Variants in ABCA13 observed in about 807,000 individuals in gnomAD.
ABCA13 encodes the protein ATP-binding cassette sub-family A member 13.
ABCA13 carries 476 observed loss-of-function variants against 478.7 expected under a neutral mutation model. That is an observed-to-expected ratio of 0.99 (90% CI 0.92 to 1.07). ABCA13 has a LOEUF of 1.07. Among genes scored for constraint, ABCA13 ranks in the 50% least tolerant of loss-of-function variants. ABCA13 has a pLI of 0.00. For synonymous variants in ABCA13, 2,252 were observed against 2,158.9 expected (o/e 1.04, Z -1.20); for missense variants, 6,060 against 5,910.6 (o/e 1.03, Z -0.83).
At chr7:48,229,099 C>G (rs1411715364) in intron 6 of ABCA13, among the ~76,000 whole-genome samples, 6 of 152,106 alleles carry the variant, frequency 3.9e-5, no homozygotes, top group African/African-American at 1.4e-4. Flanking sequence ...TGAAAATCTA[C>G]AAGGAAATAA....
intron 59 of ABCA13, among the ~76,000 whole-genome samples, chr7:48,615,653 G>A (rs976675514): frequency 3.9e-5 from 6 of 152,154 alleles, no homozygotes; most frequent in Non-Finnish European, 7.4e-5. Context: ...ATTGGTAGGG[G>A]TGAGAATAAG....
At chr7:48,569,404 A>G (rs74558688) in intron 55 of ABCA13, among the ~76,000 whole-genome samples, 1,767 of 152,284 alleles carry the variant, frequency 0.012, 17 homozygotes, top group Non-Finnish European at 0.017. Flanking sequence ...TTTAATTTCT[A>G]CACATTTGGA....
Position 48,240,846 on chromosome 7 carries a change from T to A in ABCA13, c.1063-21T>A, listed in dbSNP as rs768683063. 26 of 1,486,476 alleles carry A rather than the reference T, an allele frequency of 1.7e-5. No individual in the cohort carries two copies. In the African/African-American group the frequency reaches 3.5e-4, roughly 20 times the overall value. The allele number at this position is 1,486,476 out of a possible 1,614,324, so 92.1% of individuals were successfully genotyped here. A position where few individuals can be genotyped will look rare whatever the true frequency, so the allele number is the denominator to read the frequency against. On this transcript the variant is annotated intron_variant, in intron 9 of 61. Transcript: ENST00000435803. ...CAATTTGCTATTATTAATGCTAGTATTTTGGTTTCCGAATTTGTAGGTGTT... is the reference window on the plus strand; with the variant it reads ...CAATTTGCTATTATTAATGCTAGTAATTTGGTTTCCGAATTTGTAGGTGTT...
intron 2 of ABCA13, among the ~76,000 whole-genome samples, chr7:48,195,006 T>C (rs2128904178): frequency 6.6e-6 from 1 of 152,202 alleles, no homozygotes; most frequent in East Asian, 1.9e-4. Flanking sequence ...GATGGGATTT[T>C]ATACAGGGAG....
chr7:48,330,026 TATTTATCC>T (rs1319576536), intron 27 of ABCA13, among the ~76,000 whole-genome samples: 2 of 124,830 alleles, frequency 1.6e-5, no homozygotes, highest in Non-Finnish European at 3.4e-5. Flanking sequence ...TCCATTGATC[TATTTATCC>T]ATCCATCCAT....
intron 55 of ABCA13, among the ~76,000 whole-genome samples, chr7:48,560,040 A>G (rs68168969): frequency 0.14 from 21,094 of 152,144 alleles, 1,835 homozygotes; most frequent in African/African-American, 0.23. Flanking sequence ...CCTAGGTCAC[A>G]TGCCACCCTA....
Position 48,278,435 on chromosome 7 carries a change from A to C in ABCA13, c.7241A>C (p.His2414Pro), listed in dbSNP as rs1433649729. The change falls in exon 18 of 62, where the codon CAC becomes CCC. Residue 2414 changes from histidine to proline, a missense_variant. By Grantham distance (77) the His-to-Pro change is moderately conservative (BLOSUM62 -2). This residue lies in a region of ABCA13 where 4,423 missense variants were observed against 4,309.1 expected (regional missense o/e 1.03). Coordinates refer to ENST00000435803, the MANE Select transcript of ABCA13 (RefSeq NM_152701.5). ...AATCAAGATCTTGGGTCAGCTCTTCACCTTGTAAGAGAATGTTCAACAGAG... is the reference window on the plus strand; with the variant it reads ...AATCAAGATCTTGGGTCAGCTCTTCCCCTTGTAAGAGAATGTTCAACAGAG... ...KLNQDLGSAL[H>P]LVRECSTEMA... is the part of the protein sequence containing the mutation. The C allele has an allele frequency of 6.2e-7, 1 of 1,613,952 alleles. No individual in the cohort carries two copies. The highest frequency in any genetic ancestry group is 8.5e-7 in the Non-Finnish European group (1 of 1,179,856).
intron 3 of ABCA13, among the ~76,000 whole-genome samples, chr7:48,199,979 A>C (rs1798443411): frequency 1.3e-5 from 2 of 152,222 alleles, no homozygotes; most frequent in South Asian, 4.1e-4. Flanking sequence ...AAATATAGAA[A>C]ACATCTAGCG....
At chr7:48,628,141 C>T (rs976226969) in intron 59 of ABCA13, among the ~76,000 whole-genome samples, 3 of 152,178 alleles carry the variant, frequency 2.0e-5, no homozygotes, top group South Asian at 2.1e-4. Context: ...TGACTAGTTC[C>T]TTCAGTTCTC....
chr7:48,566,009 T>C (rs1787020322), intron 55 of ABCA13, among the ~76,000 whole-genome samples: 1 of 152,122 alleles, frequency 6.6e-6, no homozygotes, highest in East Asian at 1.9e-4. Flanking sequence ...CAGTAGAGAA[T>C]CCAGCAGTTT....
chr7:48,580,441 T>C, intron 56 of ABCA13, 67 bp downstream of exon 56: 2 of 1,502,240 alleles, frequency 1.3e-6, no homozygotes, highest in Non-Finnish European at 1.8e-6. Flanking sequence ...CACCTCTGGC[T>C]CCAAGGCAGC....
At chr7:48,426,548 C>T (rs978557269) in intron 41 of ABCA13, among the ~76,000 whole-genome samples, 2 of 152,160 alleles carry the variant, frequency 1.3e-5, no homozygotes, top group Non-Finnish European at 2.9e-5. Context: ...AGGTATAGGA[C>T]TTCACTACCC....
At chr7:48,193,836 G>GATGAAGAT (rs1797469062) in intron 2 of ABCA13, among the ~76,000 whole-genome samples, 1 of 151,984 alleles carries the variant, frequency 6.6e-6, no homozygotes, top group African/African-American at 2.4e-5. Flanking sequence ...TGGTGATGAT[G>GATGAAGAT]ATGAAGATGA....
intron 2 of ABCA13, among the ~76,000 whole-genome samples, chr7:48,195,417 G>A (rs1797795298): frequency 6.6e-6 from 1 of 152,178 alleles, no homozygotes; most frequent in South Asian, 2.1e-4. Context: ...AGATGGTTGT[G>A]CCCTGAAGCA....
intron 15 of ABCA13, among the ~76,000 whole-genome samples, chr7:48,265,266 T>G (rs546881010): frequency 6.6e-6 from 1 of 151,748 alleles, no homozygotes; most frequent in African/African-American, 2.4e-5. Flanking sequence ...TTTTTAACTA[T>G]TCTAGGTCAT....
chr7:48,391,985 C>A lies in ABCA13; in HGVS notation c.11719C>A (p.Gln3907Lys), dbSNP rs757359845. Reference sequence around the variant, plus strand: ...CATCATCATCAATGGCAAGAACCTACAGACAGACCTGTCGAGGGTCAGAAT... The same window carrying A: ...CATCATCATCAATGGCAAGAACCTAAAGACAGACCTGTCGAGGGTCAGAAT... ...GTIIINGKNL[Q>K]TDLSRVRMEL... The change falls in exon 38 of 62, where the codon CAG becomes AAG. Residue 3907 changes from glutamine (Q) to lysine (K), a missense_variant. Gln to Lys is a moderately conservative substitution (Grantham distance 53). Transcript: ENST00000435803. The A allele has an allele frequency of 6.2e-7, 1 of 1,614,032 alleles. No individual in the cohort carries two copies. The highest frequency in any genetic ancestry group is 8.5e-7 in the Non-Finnish European group (1 of 1,179,882).
intron 27 of ABCA13, among the ~76,000 whole-genome samples, chr7:48,330,203 A>T (rs775215073): frequency 6.6e-6 from 1 of 151,514 alleles, no homozygotes; most frequent in Non-Finnish European, 1.5e-5. Context: ...CTATCAATCC[A>T]TTCATCCATT....
At chr7:48,375,237 C>T (rs1173730081) in intron 34 of ABCA13, among the ~76,000 whole-genome samples, 1 of 152,144 alleles carries the variant, frequency 6.6e-6, no homozygotes, top group Non-Finnish European at 1.5e-5. Context: ...AAATTGTCTT[C>T]CACGAAACTG....
At chr7:48,402,453 A>G (rs1817733869) in intron 38 of ABCA13, among the ~76,000 whole-genome samples, 1 of 152,154 alleles carries the variant, frequency 6.6e-6, no homozygotes, top group Non-Finnish European at 1.5e-5. Flanking sequence ...CCTCCTTCCA[A>G]TAGGGTGTTG....
Sources: allele counts gnomAD v4.1 joint callset (sites outside exome capture counted in the v4.1 genomes callset), GRCh38; gene constraint gnomAD v4.1.1; regional missense constraint gnomAD v4.1.1; transcripts MANE v1.5; gene names NCBI Gene and HGNC (gene_info 2026-07-23, HGNC 2026-07-21).